Variants in SGIP1 observed in about 807,000 individuals in gnomAD.
The protein encoded by SGIP1 is SH3GL interacting endocytic adaptor 1, also known as SH3-containing GRB2-like protein 3-interacting protein 1.
Under a neutral mutation model 107.5 loss-of-function variants are expected in SGIP1, and 38 were observed. The ratio of observed to expected loss-of-function variants is 0.35; its 90% CI spans 0.27 to 0.46. SGIP1 has a LOEUF of 0.46. Among genes scored for constraint, SGIP1 ranks in the 20% least tolerant of loss-of-function variants. The pLI is 1.00. For synonymous variants in SGIP1, 365 were observed against 366.1 expected (o/e 1.00, Z 0.03); for missense variants, 929 against 1,019.5 (o/e 0.91, Z 1.21).
intron 1 of SGIP1, among the ~76,000 whole-genome samples, chr1:66,553,568 C>T (rs1465385621): frequency 1.3e-5 from 2 of 150,824 alleles, no homozygotes; most frequent in African/African-American, 2.4e-5. Flanking sequence ...TCCAGCTACT[C>T]GGGAGGCTGA....
At chr1:66,718,001 T>C (rs2093340976) in intron 18 of SGIP1, among the ~76,000 whole-genome samples, 1 of 152,138 alleles carries the variant, frequency 6.6e-6, no homozygotes, top group African/African-American at 2.4e-5. Context: ...TATTAGATAT[T>C]AGATAACTGT....
At chr1:66,677,195 A>G (rs1044784327) in intron 13 of SGIP1, 99 bp downstream of exon 13, 12 of 856,854 alleles carry the variant, frequency 1.4e-5, no homozygotes, top group Non-Finnish European at 2.1e-5. Context: ...CTATGTAAGC[A>G]ACATTAGAAC....
intron 1 of SGIP1, among the ~76,000 whole-genome samples, chr1:66,586,311 G>A (rs1038556113): frequency 2.6e-5 from 4 of 151,962 alleles, no homozygotes; most frequent in Admixed American, 6.6e-5. Context: ...TCTTTTAGTT[G>A]GTATATTTAG....
At chr1:66,738,178 T>G (rs1034962464) in intron 21 of SGIP1, among the ~76,000 whole-genome samples, 1 of 152,332 alleles carries the variant, frequency 6.6e-6, no homozygotes, top group East Asian at 1.9e-4. Context: ...TAGCTTAAAT[T>G]GTCATCAAAA....
chr1:66,630,268 G>A (rs575069819), intron 2 of SGIP1, among the ~76,000 whole-genome samples: 1 of 152,154 alleles, frequency 6.6e-6, no homozygotes, highest in Non-Finnish European at 1.5e-5. Flanking sequence ...CTACTGATAT[G>A]ACCTTGTACC....
At chr1:66,593,799 G>A (rs954010277) in intron 1 of SGIP1, among the ~76,000 whole-genome samples, 9 of 151,876 alleles carry the variant, frequency 5.9e-5, no homozygotes, top group South Asian at 2.1e-4. Flanking sequence ...ACCCAGCTGC[G>A]GCCCATTTCG....
chr1:66,561,554 T>A (rs965055831), intron 1 of SGIP1, among the ~76,000 whole-genome samples: 2 of 152,064 alleles, frequency 1.3e-5, no homozygotes, highest in African/African-American at 4.8e-5. Flanking sequence ...AATTAGAGTC[T>A]ACAGAGCACT....
At chr1:66,667,578 A>G in intron 9 of SGIP1, 37 bp downstream of exon 9, 4 of 1,609,902 alleles carry the variant, frequency 2.5e-6, no homozygotes, top group Non-Finnish European at 3.4e-6. Context: ...AAACATGTAT[A>G]GAGAAAATTG....
intron 1 of SGIP1, among the ~76,000 whole-genome samples, chr1:66,609,596 C>A (rs2067530372): frequency 6.6e-6 from 1 of 152,152 alleles, no homozygotes; most frequent in Non-Finnish European, 1.5e-5. Context: ...AGATTGAATT[C>A]TGCGAAATCA....
chr1:66,644,205 A>G (rs1035949257), intron 7 of SGIP1, among the ~76,000 whole-genome samples: 15 of 152,164 alleles, frequency 9.9e-5, no homozygotes, highest in African/African-American at 3.6e-4. Context: ...TCTAAATCAA[A>G]TTTAAAACTC....
intron 1 of SGIP1, among the ~76,000 whole-genome samples, chr1:66,575,092 G>A (rs555891574): frequency 8.5e-5 from 13 of 152,240 alleles, no homozygotes; most frequent in African/African-American, 1.4e-4. Context: ...CACAGAGCAC[G>A]TGGAAGGCAC....
chr1:66,539,479 G>A (rs1340845202), intron 1 of SGIP1, among the ~76,000 whole-genome samples: 1 of 152,178 alleles, frequency 6.6e-6, no homozygotes, highest in African/African-American at 2.4e-5. Flanking sequence ...TCTGATATTA[G>A]AAAGATATTA....
chr1:66,729,176 C>T (rs2093897513), intron 19 of SGIP1, 88 bp from the exon 20 acceptor site: 2 of 1,425,346 alleles, frequency 1.4e-6, no homozygotes, highest in Non-Finnish European at 1.9e-6. Flanking sequence ...TTTAACATTG[C>T]CTCATAAATT....
chr1:66,715,399 G>A (rs908758776), intron 18 of SGIP1, among the ~76,000 whole-genome samples: 1 of 151,724 alleles, frequency 6.6e-6, no homozygotes, highest in African/African-American at 2.4e-5. Context: ...TGCTTCCCTG[G>A]CATCATTGGT....
chr1:66,665,360 C>T (rs1006112049), intron 8 of SGIP1, among the ~76,000 whole-genome samples: 3 of 152,196 alleles, frequency 2.0e-5, no homozygotes, highest in African/African-American at 7.2e-5. Flanking sequence ...CTTTCTTAAT[C>T]CAGTCTATCA....
intron 7 of SGIP1, among the ~76,000 whole-genome samples, chr1:66,654,503 C>A (rs1324337578): frequency 6.6e-6 from 1 of 150,862 alleles, no homozygotes; most frequent in Non-Finnish European, 1.5e-5. Context: ...GGAGTTTCTA[C>A]AAATATGTGA....
At position 66,630,062 on chromosome 1, in the gene SGIP1, C is replaced by A. The variant is rs929134738; in HGVS notation, c.75-3008C>A. 3.9e-5 allele frequency among the ~76,000 whole-genome samples: 6 copies of A among 152,144 alleles called. No individual in the cohort carries two copies. In the East Asian group the frequency reaches 5.8e-4, roughly 15 times the overall value. Reference sequence around the variant, plus strand: ...GATCCCATGCAGTCTGGCACTGGAGCCGGTGCCCTTAGCCACCATGCTGAC... The same window carrying A: ...GATCCCATGCAGTCTGGCACTGGAGACGGTGCCCTTAGCCACCATGCTGAC... On this transcript the variant is annotated intron_variant, in intron 2 of 24. Coordinates refer to ENST00000371037, the MANE Select transcript of SGIP1 (RefSeq NM_032291.4).
intron 1 of SGIP1, among the ~76,000 whole-genome samples, chr1:66,540,046 G>A (rs1480448286): frequency 1.3e-5 from 2 of 152,034 alleles, no homozygotes; most frequent in Non-Finnish European, 2.9e-5. Context: ...GATATAAATG[G>A]CTCAGATAAC....
intron 1 of SGIP1, among the ~76,000 whole-genome samples, chr1:66,588,614 ATTTTTCACTCTTTCTAGTTAGTTCTTTT>A (rs1208094135): frequency 1.5e-5 from 2 of 135,606 alleles, no homozygotes; most frequent in Non-Finnish European, 3.2e-5. Flanking sequence ...GAAGAAGTTA[ATTTTTCACTCTTTCTAGTTAGTTCTTTT>A]TTTTTTTTTT....
Sources: allele counts gnomAD v4.1 joint callset (sites outside exome capture counted in the v4.1 genomes callset), GRCh38; gene constraint gnomAD v4.1.1; transcripts MANE v1.5; gene names NCBI Gene and HGNC (gene_info 2026-07-23, HGNC 2026-07-21).